The following RGR variants were observed in gnomAD, a reference collection of about 807,000 sequenced individuals.
RGR encodes the protein RPE-retinal G protein-coupled receptor.
In RGR, 30 loss-of-function variants were observed where a neutral mutation model predicts 28.6. The observed-to-expected ratio is 1.05, with a 90% confidence interval of 0.78 to 1.42. RGR has a LOEUF of 1.42. Among genes scored for constraint, RGR ranks in the 40% most tolerant of loss-of-function variants. RGR has a pLI of 0.00. For synonymous variants in RGR, 180 were observed against 156.4 expected, an observed-to-expected ratio of 1.15 and a Z score of -1.13; for missense variants, 404 against 375.6, an observed-to-expected ratio of 1.08 and a Z score of -0.62.
chr10:84,258,732 T>C lies in RGR; in HGVS notation c.*93T>C. The C allele has an allele frequency of 1.3e-6, 2 of 1,567,668 alleles. No homozygotes were observed. The highest frequency in any genetic ancestry group is 1.7e-6 in the Non-Finnish European group (2 of 1,148,860). Reference sequence around the variant, plus strand: ...GGCCAAGCCCAGACACTCACCCACCTTCCCCAGTGGCCCCGTGGATCCTGG... The same window carrying C: ...GGCCAAGCCCAGACACTCACCCACCCTCCCCAGTGGCCCCGTGGATCCTGG... On this transcript the variant is annotated 3_prime_UTR_variant, in exon 7 of 7. Coordinates refer to ENST00000652092, the MANE Select transcript of RGR (RefSeq NM_001012720.2).
intron 6 of RGR, 82 bp from the exon 7 acceptor site, chr10:84,258,425 AG>A: frequency 3.8e-6 from 6 of 1,591,878 alleles, no homozygotes; most frequent in African/African-American, 2.7e-5. Context: ...TTGTAGGTGG[AG>A]GGTGACCGGG....
At position 84,245,141 on chromosome 10, in the gene RGR, G is replaced by C; in HGVS notation, c.51G>C (p.Leu17=). ...CTGGCTTCGGGGAGCTCGAGGTGCT[G>C]GCTGTGGGGATGGTGCTACTGGTGG... ...LPTGFGELEV[L]AVGMVLLVEA... Residue 17 remains leucine, a synonymous_variant, in exon 1 of 7, where the codon CTG becomes CTC. Coordinates refer to ENST00000652092, the MANE Select transcript of RGR (RefSeq NM_001012720.2). The C allele has an allele frequency of 1.2e-6, 2 of 1,613,370 alleles. No individual in the cohort carries two copies. The highest frequency in any genetic ancestry group is 1.1e-5 in the South Asian group (1 of 91,006).
chr10:84,250,304 T>G, intron 3 of RGR: 1 of 712,250 alleles, frequency 1.4e-6, no homozygotes, highest in South Asian at 1.5e-5. Flanking sequence ...GAACTTCCCT[T>G]GCCATAGTCA....
chr10:84,248,775 A>G (rs1379649242), intron 2 of RGR, 147 bp from the exon 3 acceptor site: 8 of 1,459,440 alleles, frequency 5.5e-6, no homozygotes, highest in Non-Finnish European at 7.6e-6. Flanking sequence ...TTGAGCTCCA[A>G]CGCCTCATAG....
intron 3 of RGR, chr10:84,250,517 TACACACACACACACACACAC>T (rs34459757): frequency 6.6e-6 from 4 of 606,498 alleles, no homozygotes; most frequent in Non-Finnish European, 6.1e-6. Flanking sequence ...GACCATCTTA[TACACACACACACACACACAC>T]ACACACACAC....
At chr10:84,250,672 G>T (rs973645492) in intron 3 of RGR, 1 of 513,146 alleles carries the variant, frequency 1.9e-6, no homozygotes, top group Admixed American at 3.1e-5. Context: ...CAGTGTGAAG[G>T]CAGGCAAAGG....
intron 1 of RGR, 65 bp downstream of exon 1, chr10:84,245,234 T>A: frequency 6.5e-7 from 1 of 1,536,524 alleles, no homozygotes; most frequent in Non-Finnish European, 8.9e-7. Flanking sequence ...AGGCCACCAG[T>A]GTGGAGCTGG....
At chr10:84,253,902 A>G (rs1235108787) in intron 4 of RGR, among the ~76,000 whole-genome samples, 2 of 152,122 alleles carry the variant, frequency 1.3e-5, no homozygotes, top group Non-Finnish European at 2.9e-5. Flanking sequence ...CTGGGAACCC[A>G]AGCTCTTCTG....
chr10:84,252,264 G>A (rs944648515), intron 3 of RGR, among the ~76,000 whole-genome samples: 1 of 152,192 alleles, frequency 6.6e-6, no homozygotes, highest in Non-Finnish European at 1.5e-5. Context: ...GGGTGTCCTG[G>A]AAGCAGGGGC....
chr10:84,250,283 T>C, intron 3 of RGR: 1 of 707,496 alleles, frequency 1.4e-6, no homozygotes, highest in Non-Finnish European at 2.7e-6. Flanking sequence ...ATGTCCTCTT[T>C]GGAATCCACA....
In RGR at chr10:84,254,424, G is replaced by C. The variant is rs1412198540; in HGVS notation, c.611G>C (p.Gly204Ala). The change falls in exon 5 of 7, where the codon GGG becomes GCG. Residue 204 changes from glycine (G) to alanine (A), a missense_variant. Transcript: ENST00000652092. ...TSYSLMEQKL[G>A]KSGHLQVNTT... is the part of the protein sequence containing the mutation. ...TACAGTCTCATGGAGCAGAAACTGG[G>C]GAAGAGTGGCCATCTCCAGGTAAGG... is the stretch of plus-strand genomic sequence containing the variant. The C allele has an allele frequency of 6.2e-7, 1 of 1,613,926 alleles. No homozygotes were observed. The highest frequency in any genetic ancestry group is 8.5e-7 in the Non-Finnish European group (1 of 1,179,974).
At position 84,258,560 on chromosome 10, in the gene RGR, C is replaced by G; in HGVS notation, c.797C>G (p.Ala266Gly). Residue 266 changes from alanine (A) to glycine (G), a missense_variant, in exon 7 of 7, where the codon GCC becomes GGC. By Grantham distance (60) the Ala-to-Gly change is moderately conservative. Coordinates refer to ENST00000652092, the MANE Select transcript of RGR (RefSeq NM_001012720.2). ...CCCACGATCAATGCCATCAACTATG[C>G]CCTGGGCAATGAGATGGTCTGCAGG... ...MVPTINAINY[A>G]LGNEMVCRGI... 6.2e-7 allele frequency: 1 copy of G among 1,614,214 alleles called. No individual in the cohort carries two copies. The highest frequency in any genetic ancestry group is 8.5e-7 in the Non-Finnish European group (1 of 1,180,040).
intron 5 of RGR, among the ~76,000 whole-genome samples, chr10:84,256,502 G>C (rs1842889787): frequency 6.6e-6 from 1 of 152,178 alleles, no homozygotes; most frequent in African/African-American, 2.4e-5. Context: ...GTGCATGAAA[G>C]AAACTCTTTT....
intron 4 of RGR, 142 bp from the exon 5 acceptor site, chr10:84,254,184 A>C: frequency 1.9e-5 from 14 of 749,838 alleles, no homozygotes; most frequent in Non-Finnish European, 2.9e-5. Flanking sequence ...TTCACCTGGG[A>C]CCCGGGAGCA....
chr10:84,249,153 G>C (rs982363202), intron 3 of RGR, 110 bp downstream of exon 3: 42 of 1,503,152 alleles, frequency 2.8e-5, no homozygotes, highest in Non-Finnish European at 3.8e-5. Flanking sequence ...CCAGTACAGG[G>C]AAGTGTGGGT....
rs142448900 is a variant in RGR at position 84,254,658 on chromosome 10, T to C, written c.630+215T>C. Among the ~76,000 whole-genome samples the C allele has an allele frequency of 6.3e-3, 952 of 152,278 alleles. 9 individuals carry two copies. Among genetic ancestry groups the C allele is most frequent in the African/African-American group, 0.022 (925 of 41,558 alleles). ...AGATCAGCACCAGTTTGGTGTATTT[T>C]GGGCTCTTTTATATGTTTATTTTTC... On this transcript the variant is annotated intron_variant, in intron 5 of 6. Coordinates refer to ENST00000652092, the MANE Select transcript of RGR (RefSeq NM_001012720.2).
chr10:84,258,561 C>T lies in RGR; in HGVS notation c.798C>T (p.Ala266=), dbSNP rs1170151995. ...MVPTINAINY[A]LGNEMVCRGI... is the part of the protein sequence containing the mutation. ...CCACGATCAATGCCATCAACTATGC[C>T]CTGGGCAATGAGATGGTCTGCAGGG... The change falls in exon 7 of 7, where the codon GCC becomes GCT. Residue 266 remains alanine (A), a synonymous_variant. Coordinates refer to ENST00000652092, the MANE Select transcript of RGR (RefSeq NM_001012720.2). 18 of 1,614,194 alleles carry T rather than the reference C, an allele frequency of 1.1e-5. No homozygotes were observed. The highest frequency in any genetic ancestry group is 1.4e-5 in the Non-Finnish European group (17 of 1,180,040).
chr10:84,252,327 C>T (rs888542563), intron 3 of RGR, among the ~76,000 whole-genome samples: 20 of 152,298 alleles, frequency 1.3e-4, no homozygotes, highest in South Asian at 4.2e-4. Context: ...CAGACTTCTG[C>T]CTCCATCCCC....
intron 3 of RGR, 91 bp from the exon 4 acceptor site, chr10:84,252,766 G>T: frequency 6.6e-7 from 1 of 1,513,754 alleles, no homozygotes; most frequent in South Asian, 1.1e-5. Context: ...CACTTGAAGG[G>T]ACACTCTTCG....
Sources: gnomAD v4.1 joint callset for allele counts (sites outside exome capture counted in the v4.1 genomes callset) on GRCh38, gnomAD v4.1.1 for gene constraint, MANE v1.5 for transcripts, NCBI Gene and HGNC (gene_info 2026-07-23, HGNC 2026-07-21) for gene names.